TENM3: variants seen among roughly 807,000 people sequenced by gnomAD.
TENM3 encodes teneurin transmembrane protein 3.
TENM3 carries 63 observed loss-of-function variants against 255.1 expected under a neutral mutation model. The ratio of observed to expected loss-of-function variants is 0.25; its 90% CI spans 0.20 to 0.30. TENM3 has a LOEUF of 0.30. TENM3 is among the 10% of genes least tolerant of loss of function. TENM3 has a pLI of 1.00. For synonymous variants in TENM3, 1,306 were observed against 1,322.3 expected (o/e 0.99, Z 0.27); for missense variants, 2,929 against 3,461.1 (o/e 0.85, Z 3.86).
the TENM3 span, among the ~76,000 whole-genome samples, chr4:181,894,851 G>C: frequency 6.6e-6 from 1 of 152,112 alleles, no homozygotes; most frequent in Non-Finnish European, 1.5e-5. Flanking sequence ...AGTTATGGAC[G>C]TCACTGGTTG....
chr4:182,168,138 T>TC (rs973259894), intron 1 of TENM3, among the ~76,000 whole-genome samples: 1 of 151,798 alleles, frequency 6.6e-6, no homozygotes, highest in African/African-American at 2.4e-5. Context: ...TATTTTCTTT[T>TC]CTTTTTTTTT....
upstream of TENM3, among the ~76,000 whole-genome samples, chr4:182,240,663 T>C (rs1757193603): frequency 1.3e-5 from 2 of 152,166 alleles, no homozygotes; most frequent in African/African-American, 2.4e-5. Context: ...GTCCCGGCCC[T>C]GCAGCCCACG....
At chr4:181,738,106 T>C in the TENM3 span, among the ~76,000 whole-genome samples, 3 of 152,118 alleles carry the variant, frequency 2.0e-5, no homozygotes, top group African/African-American at 7.2e-5. Context: ...TTCTGACAAG[T>C]TGTCCATACA....
chr4:182,201,252 A>C (rs888279372), intron 1 of TENM3, among the ~76,000 whole-genome samples: 5 of 152,228 alleles, frequency 3.3e-5, no homozygotes, highest in African/African-American at 1.2e-4. Context: ...GGAACCTCTT[A>C]AATCTGTATT....
chr4:181,883,724 G>T, the TENM3 span, among the ~76,000 whole-genome samples: 3 of 152,056 alleles, frequency 2.0e-5, no homozygotes, highest in Non-Finnish European at 4.4e-5. Context: ...TGATCCGCCC[G>T]CCTCAGCCCC....
intron 19 of TENM3, among the ~76,000 whole-genome samples, chr4:182,751,150 T>G (rs1579341184): frequency 6.6e-6 from 1 of 152,308 alleles, no homozygotes; most frequent in East Asian, 1.9e-4. Context: ...GAAAGAAAAC[T>G]GAAGGATCCA....
At chr4:181,919,489 G>T in the TENM3 span, among the ~76,000 whole-genome samples, 1 of 151,924 alleles carries the variant, frequency 6.6e-6, no homozygotes, top group African/African-American at 2.4e-5. Context: ...AACCTGAGGG[G>T]CCATTAACTT....
intron 3 of TENM3, among the ~76,000 whole-genome samples, chr4:182,460,819 T>G (rs1408153597): frequency 6.6e-6 from 1 of 152,196 alleles, no homozygotes; most frequent in Non-Finnish European, 1.5e-5. Flanking sequence ...TTAGTCATGA[T>G]TAGTGTAAAA....
chr4:181,996,159 T>TAAA, the TENM3 span, among the ~76,000 whole-genome samples: 2,333 of 138,988 alleles, frequency 0.017, 45 homozygotes, highest in African/African-American at 0.046. Flanking sequence ...TCGCTACGGT[T>TAAA]AAAAAAAAAA....
chr4:182,030,533 C>T, the TENM3 span, among the ~76,000 whole-genome samples: 1 of 152,100 alleles, frequency 6.6e-6, no homozygotes, highest in Non-Finnish European at 1.5e-5. Flanking sequence ...AAAAGTGCTG[C>T]AGTGAACATA....
chr4:182,495,001 T>A (rs1157366735), intron 3 of TENM3, among the ~76,000 whole-genome samples: 1 of 152,282 alleles, frequency 6.6e-6, no homozygotes, highest in East Asian at 1.9e-4. Flanking sequence ...TTTGGAGATG[T>A]TGTATGCTCA....
the TENM3 span, among the ~76,000 whole-genome samples, chr4:182,010,451 T>G: frequency 2.3e-3 from 347 of 151,664 alleles, 1 homozygote; most frequent in African/African-American, 8.0e-3. Flanking sequence ...CATATATAAT[T>G]ATACATATTC....
chr4:182,407,813 A>G (rs898073642), intron 3 of TENM3, among the ~76,000 whole-genome samples: 1 of 152,242 alleles, frequency 6.6e-6, no homozygotes, highest in Admixed American at 6.5e-5. Flanking sequence ...TTGCTTCTTT[A>G]TGCTATCCTC....
At chr4:181,610,641 G>A in the TENM3 span, among the ~76,000 whole-genome samples, 295 of 152,168 alleles carry the variant, frequency 1.9e-3, no homozygotes, top group Non-Finnish European at 3.5e-3. Context: ...TAAAAATAAA[G>A]TTGAAAAATT....
the TENM3 span, among the ~76,000 whole-genome samples, chr4:181,780,630 C>T: frequency 1.3e-5 from 2 of 152,030 alleles, no homozygotes; most frequent in Non-Finnish European, 1.5e-5. Flanking sequence ...TGCAGAAGTT[C>T]TTTAGTTTAA....
the TENM3 span, among the ~76,000 whole-genome samples, chr4:181,893,511 A>G: frequency 2.1e-5 from 1 of 47,656 alleles, no homozygotes; most frequent in African/African-American, 8.0e-5. Flanking sequence ...CACCCCCACC[A>G]TTCCTCTTAG....
At chr4:182,483,668 T>C (rs1734417541) in intron 3 of TENM3, among the ~76,000 whole-genome samples, 1 of 152,168 alleles carries the variant, frequency 6.6e-6, no homozygotes. Context: ...CTCACATTGC[T>C]ATAAAAAAAC....
intron 1 of TENM3, among the ~76,000 whole-genome samples, chr4:182,260,814 AAC>A (rs2150158413): frequency 6.6e-6 from 1 of 152,350 alleles, no homozygotes; most frequent in Non-Finnish European, 1.5e-5. Flanking sequence ...AGTGAACTGT[AAC>A]AGTTATCCCA....
chr4:182,056,285 A>T, the TENM3 span, among the ~76,000 whole-genome samples: 1 of 152,228 alleles, frequency 6.6e-6, no homozygotes. Flanking sequence ...TGTCTTTGAC[A>T]TGTTATACAT....
Sources: gnomAD v4.1 joint callset for allele counts (sites outside exome capture counted in the v4.1 genomes callset) on GRCh38, gnomAD v4.1.1 for gene constraint, MANE v1.5 for transcripts, NCBI Gene and HGNC (gene_info 2026-07-23, HGNC 2026-07-21) for gene names.